MTMR10: variants seen among roughly 807,000 people sequenced by gnomAD.
MTMR10 encodes myotubularin-related protein 10.
A neutral mutation model predicts 88.1 loss-of-function variants in MTMR10; 56 were observed. That is an observed-to-expected ratio of 0.64 (90% CI 0.51 to 0.79). The LOEUF is 0.79. Among genes scored for constraint, MTMR10 ranks in the 30% least tolerant of loss-of-function variants. The pLI is 0.00. For missense variants in MTMR10, 883 were observed against 924.7 expected (o/e 0.95, Z 0.58); for synonymous variants, 380 against 340.9 (o/e 1.11, Z -1.26).
downstream of MTMR10, among the ~76,000 whole-genome samples, chr15:30,934,257 T>A (rs867186199): frequency 1.3e-5 from 2 of 152,204 alleles, no homozygotes; most frequent in Non-Finnish European, 2.9e-5. Context: ...TTCTTTTTTT[T>A]AATGTTAACA....
chr15:30,985,984 G>A (rs953104494), intron 2 of MTMR10, among the ~76,000 whole-genome samples: 1 of 152,146 alleles, frequency 6.6e-6, no homozygotes, highest in Non-Finnish European at 1.5e-5. Flanking sequence ...GTCAGGAAAG[G>A]ATAATTTGTC....
intron 5 of MTMR10, among the ~76,000 whole-genome samples, chr15:30,971,774 A>C (rs1220882490): frequency 6.6e-6 from 1 of 152,132 alleles, no homozygotes; most frequent in Non-Finnish European, 1.5e-5. Context: ...TGGTGGTTCT[A>C]AGTTGCTATG....
intron 9 of MTMR10, among the ~76,000 whole-genome samples, chr15:30,955,459 G>A (rs138924631): frequency 2.7e-3 from 413 of 152,176 alleles, no homozygotes; most frequent in East Asian, 6.6e-3. Context: ...TTTAGTAGAG[G>A]CGGGGTTTCA....
At chr15:30,935,958 A>C (rs1315230000), downstream of MTMR10, among the ~76,000 whole-genome samples, 1 of 151,728 alleles carries the variant, frequency 6.6e-6, no homozygotes, top group Non-Finnish European at 1.5e-5. Context: ...GATTTTCTTC[A>C]ATCTTTGGGT....
At chr15:30,925,220 T>C in the MTMR10 span, 1 of 1,613,398 alleles carries the variant, frequency 6.2e-7, no homozygotes, top group South Asian at 1.1e-5. Flanking sequence ...CCTGCGAGAG[T>C]CTCCGAGCTG....
intron 5 of MTMR10, among the ~76,000 whole-genome samples, chr15:30,970,875 A>G (rs1248505584): frequency 4.6e-5 from 7 of 152,206 alleles, no homozygotes; most frequent in Non-Finnish European, 1.0e-4. Context: ...TAAAACTGCA[A>G]GTCAGTTGAA....
Position 30,941,244 on chromosome 15 carries a change from A to AGAGCCAGACCTGTAATGACAGAACGT in MTMR10, c.*225_*226insACGTTCTGTCATTACAGGTCTGGCTC, listed in dbSNP as rs1423579880. On this transcript the variant is annotated 3_prime_UTR_variant, in exon 16 of 16. Coordinates refer to ENST00000435680, the MANE Select transcript of MTMR10 (RefSeq NM_017762.3). ...CATGAACAGTTTGATCACGGTTACAAGAGCCAGACCTGTAATGACAGAAAG... is the reference window on the plus strand; with the variant it reads ...CATGAACAGTTTGATCACGGTTACAAGAGCCAGACCTGTAATGACAGAACGTGAGCCAGACCTGTAATGACAGAAAG... 2.1e-6 allele frequency: 3 copies of AGAGCCAGACCTGTAATGACAGAACGT among 1,445,116 alleles called. No individual in the cohort carries two copies. Among genetic ancestry groups the AGAGCCAGACCTGTAATGACAGAACGT allele is most frequent in the Non-Finnish European group, 2.8e-6 (3 of 1,090,364 alleles). The allele number at this position is 1,445,116 out of a possible 1,614,324, so 89.5% of individuals were successfully genotyped here. A position where few individuals can be genotyped will look rare whatever the true frequency, so the allele number is the denominator to read the frequency against.
the MTMR10 span, chr15:30,928,287 A>C: frequency 2.3e-4 from 283 of 1,250,356 alleles, no homozygotes; most frequent in Admixed American, 6.4e-4. Context: ...TTTGAGAACC[A>C]CTGCTTTGTG....
In MTMR10 at chr15:30,960,934, A is replaced by T; in HGVS notation, c.705T>A (p.Gly235=). The change falls in exon 7 of 16, where the codon GGT becomes GGA. Residue 235 remains glycine, a synonymous_variant. Transcript: ENST00000435680. Reference sequence around the variant, plus strand: ...TAGAACAAACTCTCCACCCGGAAGCACCTGTCCTCTTGATTTCTCTGTCCC... The same window carrying T: ...TAGAACAAACTCTCCACCCGGAAGCTCCTGTCCTCTTGATTTCTCTGTCCC... The part of the protein sequence containing the change: ...SDWDREIKRT[G]ASGWRVCSIN... 1 of 1,612,782 alleles carries T rather than the reference A, an allele frequency of 6.2e-7. No homozygotes were observed. Among genetic ancestry groups the T allele is most frequent in the Non-Finnish European group, 8.5e-7 (1 of 1,179,330 alleles).
At chr15:30,978,095 C>A (rs1476638546) in intron 2 of MTMR10, among the ~76,000 whole-genome samples, 1 of 152,184 alleles carries the variant, frequency 6.6e-6, no homozygotes, top group Non-Finnish European at 1.5e-5. Context: ...GACCATGCTT[C>A]TTCCCATTTC....
chr15:30,936,998 A>T, downstream of MTMR10: 1 of 778,584 alleles, frequency 1.3e-6, no homozygotes, highest in South Asian at 1.7e-5. Context: ...TGTTACACTT[A>T]CAAATACAGT....
At chr15:30,967,776 A>G (rs558891311) in intron 6 of MTMR10, 144 bp downstream of exon 6, 1 of 596,708 alleles carries the variant, frequency 1.7e-6, no homozygotes, top group East Asian at 3.0e-5. Context: ...TGGCTCTTTT[A>G]GCATGTAGTG....
chr15:30,936,406 A>G (rs1256163597), downstream of MTMR10, among the ~76,000 whole-genome samples: 2 of 107,932 alleles, frequency 1.9e-5, no homozygotes, highest in African/African-American at 1.1e-4. Flanking sequence ...TCATGGCAAG[A>G]AGGTTAGATT....
Position 30,941,203 on chromosome 15 carries a change from A to G in MTMR10, c.*267T>C. ...GTGGTAGGAAAAATGGATGGAGACA[A>G]AAATGTAGCAGACAACATGAACAGT... On this transcript the variant is annotated 3_prime_UTR_variant, in exon 16 of 16. Transcript: ENST00000435680. The G allele has an allele frequency of 4.4e-6, 6 of 1,366,438 alleles. No homozygotes were observed. Among genetic ancestry groups the G allele is most frequent in the Non-Finnish European group, 5.8e-6 (6 of 1,039,910 alleles). 84.6% of individuals were successfully genotyped at this position (1,366,438 alleles called of 1,614,324 possible). A position where few individuals can be genotyped will look rare whatever the true frequency, so the allele number is the denominator to read the frequency against.
the MTMR10 span, among the ~76,000 whole-genome samples, chr15:30,933,546 G>A: frequency 6.6e-6 from 1 of 152,144 alleles, no homozygotes; most frequent in Non-Finnish European, 1.5e-5. Context: ...TCCAGAATAT[G>A]GTATTCCCTG....
intron 9 of MTMR10, among the ~76,000 whole-genome samples, chr15:30,958,158 G>A (rs2063352979): frequency 6.6e-6 from 1 of 152,220 alleles, no homozygotes; most frequent in Non-Finnish European, 1.5e-5. Context: ...ATATAAATGT[G>A]TTGGTCACTA....
chr15:30,990,468 T>C (rs2031240799), intron 2 of MTMR10, among the ~76,000 whole-genome samples: 1 of 152,230 alleles, frequency 6.6e-6, no homozygotes, highest in Non-Finnish European at 1.5e-5. Context: ...GGCGTCTTTT[T>C]ATACTATCAA....
chr15:30,972,796 C>T (rs1381401681), intron 5 of MTMR10, among the ~76,000 whole-genome samples: 1 of 152,140 alleles, frequency 6.6e-6, no homozygotes, highest in East Asian at 1.9e-4. Context: ...CCAACAAGTA[C>T]TACAGATGGT....
At chr15:30,975,726 C>T (rs527885232) in intron 3 of MTMR10, among the ~76,000 whole-genome samples, 3 of 152,118 alleles carry the variant, frequency 2.0e-5, no homozygotes, top group South Asian at 4.2e-4. Context: ...AATATTTGTA[C>T]AGTATAATAA....
Sources: gnomAD v4.1 joint callset for allele counts (sites outside exome capture counted in the v4.1 genomes callset) on GRCh38, gnomAD v4.1.1 for gene constraint, MANE v1.5 for transcripts, NCBI Gene and HGNC (gene_info 2026-07-23, HGNC 2026-07-21) for gene names.